The following TMEM232 variants were observed in gnomAD, a reference collection of about 807,000 sequenced individuals.
TMEM232 encodes transmembrane protein 232.
In TMEM232, 80 loss-of-function variants were observed where a neutral mutation model predicts 78.8. That is an observed-to-expected ratio of 1.01 (90% CI 0.85 to 1.22). The LOEUF (loss-of-function observed/expected upper bound fraction) is 1.22. Among genes scored for constraint, TMEM232 ranks in the 50% most tolerant of loss-of-function variants. The pLI is 0.00. For synonymous variants in TMEM232, 297 were observed against 254.3 expected (o/e 1.17, Z -1.60); for missense variants, 881 against 742.2 (o/e 1.19, Z -2.17).
At chr5:110,516,469 A>G (rs1768665143) in intron 12 of TMEM232, among the ~76,000 whole-genome samples, 1 of 152,186 alleles carries the variant, frequency 6.6e-6, no homozygotes, top group Non-Finnish European at 1.5e-5. Flanking sequence ...TCTCAGCCTT[A>G]AGGTAAACTT....
intron 10 of TMEM232, among the ~76,000 whole-genome samples, chr5:110,582,747 T>C (rs1293464657): frequency 2.0e-5 from 3 of 151,844 alleles, no homozygotes; most frequent in South Asian, 2.1e-4. Flanking sequence ...CATAATCTTA[T>C]ATGAAGAAAA....
chr5:110,580,262 G>A (rs1048741058), intron 10 of TMEM232, among the ~76,000 whole-genome samples: 4 of 151,642 alleles, frequency 2.6e-5, no homozygotes, highest in African/African-American at 9.7e-5. Context: ...AATTATATTA[G>A]CTGGTGACAT....
At chr5:110,479,990 T>A (rs533511174) in intron 12 of TMEM232, among the ~76,000 whole-genome samples, 1 of 152,016 alleles carries the variant, frequency 6.6e-6, no homozygotes, top group South Asian at 2.1e-4. Flanking sequence ...CTCCTGTAAA[T>A]ATGTTCAGTT....
intron 1 of TMEM232, among the ~76,000 whole-genome samples, chr5:110,672,061 G>A (rs1265311651): frequency 1.3e-5 from 2 of 152,036 alleles, no homozygotes; most frequent in African/African-American, 4.8e-5. Context: ...TAATTGAAGG[G>A]AAATTGAAGG....
At chr5:110,650,825 G>A (rs557749885) in intron 2 of TMEM232, among the ~76,000 whole-genome samples, 2 of 151,950 alleles carry the variant, frequency 1.3e-5, no homozygotes, top group South Asian at 4.2e-4. Flanking sequence ...GCCCTTAATA[G>A]TCATGTATTA....
chr5:110,498,992 A>T (rs2149437808), intron 12 of TMEM232, among the ~76,000 whole-genome samples: 1 of 152,328 alleles, frequency 6.6e-6, no homozygotes, highest in Admixed American at 6.5e-5. Flanking sequence ...TACAATAATA[A>T]GGAGGCTTTG....
chr5:110,458,846 G>A (rs774591005), intron 12 of TMEM232, among the ~76,000 whole-genome samples: 4 of 152,104 alleles, frequency 2.6e-5, no homozygotes, highest in Non-Finnish European at 4.4e-5. Context: ...GTTGGATGCC[G>A]TTGCATATAA....
At chr5:110,706,091 C>T (rs1248181404) in intron 1 of TMEM232, among the ~76,000 whole-genome samples, 5 of 151,932 alleles carry the variant, frequency 3.3e-5, no homozygotes, top group African/African-American at 1.2e-4. Flanking sequence ...ATAATGAAGA[C>T]ATTGATAACC....
chr5:110,464,027 C>T (rs1052906079), intron 12 of TMEM232, among the ~76,000 whole-genome samples: 3 of 152,188 alleles, frequency 2.0e-5, no homozygotes, highest in African/African-American at 4.8e-5. Context: ...TCAAATGCTA[C>T]CTCCTCTGAG....
chr5:110,644,826 A>T (rs992709739), intron 2 of TMEM232, among the ~76,000 whole-genome samples: 1 of 151,496 alleles, frequency 6.6e-6, no homozygotes, highest in Non-Finnish European at 1.5e-5. Flanking sequence ...TTCTTGAAAA[A>T]ATAAACAAAA....
At chr5:110,621,953 T>C (rs1233096839) in intron 7 of TMEM232, among the ~76,000 whole-genome samples, 1 of 152,192 alleles carries the variant, frequency 6.6e-6, no homozygotes, top group East Asian at 1.9e-4. Context: ...AAATTATGAG[T>C]GTCTGACTAG....
intron 2 of TMEM232, among the ~76,000 whole-genome samples, chr5:110,402,615 T>C (rs945876733): frequency 1.3e-5 from 2 of 152,088 alleles, no homozygotes; most frequent in African/African-American, 2.4e-5. Context: ...CTCAGCACGA[T>C]GGGAACAAGT....
chr5:110,466,530 CA>C (rs1221891755), intron 12 of TMEM232, among the ~76,000 whole-genome samples: 1 of 151,894 alleles, frequency 6.6e-6, no homozygotes, highest in Admixed American at 6.6e-5. Flanking sequence ...CTTTATTGCA[CA>C]GGGACTTTTT....
chr5:110,540,242 G>C (rs944547196), intron 11 of TMEM232, among the ~76,000 whole-genome samples: 1 of 152,174 alleles, frequency 6.6e-6, no homozygotes, highest in Non-Finnish European at 1.5e-5. Context: ...AAAGCTGGAT[G>C]GAGTGGCCTC....
At chr5:110,714,180 C>G (rs1004016862) in intron 1 of TMEM232, among the ~76,000 whole-genome samples, 1 of 152,158 alleles carries the variant, frequency 6.6e-6, no homozygotes, top group African/African-American at 2.4e-5. Flanking sequence ...CAAGTTGGAA[C>G]TCCCTGCTGC....
At chr5:110,615,014 A>G (rs1215786767) in intron 8 of TMEM232, among the ~76,000 whole-genome samples, 3 of 151,920 alleles carry the variant, frequency 2.0e-5, no homozygotes, top group Admixed American at 6.6e-5. Context: ...AATGTAAAAA[A>G]TATTGCAATC....
chr5:110,697,903 G>C (rs1171704610), intron 1 of TMEM232, among the ~76,000 whole-genome samples: 1 of 152,168 alleles, frequency 6.6e-6, no homozygotes, highest in East Asian at 1.9e-4. Context: ...CCTAGAACTA[G>C]AAATACCATT....
chr5:110,467,754 T>C (rs921667541), intron 12 of TMEM232, among the ~76,000 whole-genome samples: 15 of 152,162 alleles, frequency 9.9e-5, no homozygotes, highest in African/African-American at 3.6e-4. Flanking sequence ...TAAATAAAAA[T>C]ATATTTTCAC....
At chr5:110,505,260 G>T (rs956401823) in intron 12 of TMEM232, among the ~76,000 whole-genome samples, 2 of 152,140 alleles carry the variant, frequency 1.3e-5, no homozygotes, top group Non-Finnish European at 2.9e-5. Flanking sequence ...TCTTCCGTGG[G>T]AATGACTCTT....
Sources: gnomAD v4.1 joint callset for allele counts (sites outside exome capture counted in the v4.1 genomes callset) on GRCh38, gnomAD v4.1.1 for gene constraint, MANE v1.5 for transcripts, NCBI Gene and HGNC (gene_info 2026-07-23, HGNC 2026-07-21) for gene names.